DPY19L3: variants seen among roughly 807,000 people sequenced by gnomAD.
DPY19L3 encodes the protein protein C-mannosyl-transferase DPY19L3.
A neutral mutation model predicts 92.3 loss-of-function variants in DPY19L3; 51 were observed. The observed-to-expected ratio is 0.55, with a 90% CI of 0.44 to 0.70. The LOEUF is 0.70. DPY19L3 is among the 30% of genes least tolerant of loss of function. The pLI is 0.00. For missense variants in DPY19L3, 706 were observed against 855.9 expected, an observed-to-expected ratio of 0.82 and a Z score of 2.18; for synonymous variants, 309 against 315.2, an observed-to-expected ratio of 0.98 and a Z score of 0.21.
At chr19:32,466,354 G>A (rs79652729) in intron 15 of DPY19L3, among the ~76,000 whole-genome samples, 7,535 of 152,232 alleles carry the variant, frequency 0.049, 619 homozygotes, top group African/African-American at 0.17. Context: ...ACAGAAATAG[G>A]CATTTAACCA....
intron 8 of DPY19L3, among the ~76,000 whole-genome samples, chr19:32,443,217 A>G (rs986860496): frequency 6.6e-6 from 1 of 152,148 alleles, no homozygotes; most frequent in African/African-American, 2.4e-5. Flanking sequence ...TTCACCCAGC[A>G]ATAAGGAAGT....
rs1179021343 is a variant in DPY19L3 at position 32,484,606 on chromosome 19, C to T, written c.*2366C>T. The T allele has an allele frequency of 6.6e-6, 1 of 152,190 alleles. No individual in the cohort carries two copies. Among genetic ancestry groups the T allele is most frequent in the East Asian group, 1.9e-4 (1 of 5,190 alleles). The allele number at this position is 152,190 out of a possible 1,614,324, so 9.4% of individuals were successfully genotyped here. On this transcript the variant is annotated 3_prime_UTR_variant, in exon 19 of 19. Transcript: ENST00000392250. ...CTTAACGGACTCTGCCTGTGTGACT[C>T]CCAGGCCCCGGAGTCTCCATCTCTC...
intron 8 of DPY19L3, among the ~76,000 whole-genome samples, chr19:32,443,338 T>C (rs756463984): frequency 2.6e-5 from 4 of 152,236 alleles, no homozygotes; most frequent in Non-Finnish European, 4.4e-5. Flanking sequence ...TAGCATAGCG[T>C]TGGCATAGTT....
intron 3 of DPY19L3, among the ~76,000 whole-genome samples, chr19:32,431,242 G>A (rs963571066): frequency 1.1e-4 from 16 of 152,132 alleles, no homozygotes; most frequent in African/African-American, 3.6e-4. Flanking sequence ...AGCCGGGCAT[G>A]GTGCACATGC....
intron 16 of DPY19L3, among the ~76,000 whole-genome samples, chr19:32,472,759 A>T (rs1970396023): frequency 6.6e-6 from 1 of 152,122 alleles, no homozygotes. Context: ...ATATATTTGC[A>T]TATTTTGAGG....
chr19:32,429,965 G>A (rs760420486), intron 3 of DPY19L3, among the ~76,000 whole-genome samples: 21 of 152,088 alleles, frequency 1.4e-4, no homozygotes, highest in Non-Finnish European at 2.9e-4. Flanking sequence ...AAAATGAGTG[G>A]ATTAAAGTAA....
At chr19:32,432,225 T>C (rs1471985244) in intron 3 of DPY19L3, among the ~76,000 whole-genome samples, 1 of 152,208 alleles carries the variant, frequency 6.6e-6, no homozygotes, top group Non-Finnish European at 1.5e-5. Flanking sequence ...GTTTAAATAT[T>C]TCATGTATCC....
intron 4 of DPY19L3, among the ~76,000 whole-genome samples, chr19:32,436,025 C>T (rs746080244): frequency 1.3e-5 from 2 of 152,258 alleles, no homozygotes; most frequent in Non-Finnish European, 2.9e-5. Context: ...CTATGGCTTA[C>T]ATCCACTTAC....
intron 3 of DPY19L3, among the ~76,000 whole-genome samples, chr19:32,421,440 G>C (rs1358456355): frequency 6.6e-6 from 1 of 152,256 alleles, no homozygotes; most frequent in African/African-American, 2.4e-5. Flanking sequence ...AGGAGTTCAA[G>C]ACCAGCCTGG....
At position 32,482,295 on chromosome 19, in the gene DPY19L3, A is replaced by G; in HGVS notation, c.*55A>G. On this transcript the variant is annotated 3_prime_UTR_variant, in exon 19 of 19. Transcript: ENST00000392250. ...ATACGGAGAAACTGCATCATGATGA[A>G]ACTCAATAGATGACGTTTCCTATGT... The G allele has an allele frequency of 1.3e-6, 2 of 1,574,740 alleles. No homozygotes were observed. The highest frequency in any genetic ancestry group is 2.4e-5 in the South Asian group (2 of 84,654).
chr19:32,409,922 C>A (rs1005071714), intron 2 of DPY19L3, among the ~76,000 whole-genome samples: 1 of 152,046 alleles, frequency 6.6e-6, no homozygotes, highest in Admixed American at 6.6e-5. Flanking sequence ...TTGGAGGGGC[C>A]GAATAGTCAA....
chr19:32,463,840 C>G (rs762457675), intron 13 of DPY19L3, 29 bp from the exon 14 acceptor site: 3 of 1,578,550 alleles, frequency 1.9e-6, no homozygotes, highest in South Asian at 1.1e-5. Flanking sequence ...ACTAGTACTT[C>G]TGACTTGCGC....
At chr19:32,480,941 T>C (rs1016769883) in intron 18 of DPY19L3, 5 of 416,738 alleles carry the variant, frequency 1.2e-5, no homozygotes, top group Non-Finnish European at 2.1e-5. Flanking sequence ...ATGGCAGGGA[T>C]GGTGGGGCCC....
intron 6 of DPY19L3, 63 bp downstream of exon 6, chr19:32,437,402 T>C: frequency 1.3e-6 from 2 of 1,542,904 alleles, no homozygotes; most frequent in Non-Finnish European, 1.8e-6. Flanking sequence ...AGTCACTTCA[T>C]TTCCAGCTCA....
chr19:32,408,392 C>A, intron 2 of DPY19L3, 36 bp downstream of exon 2: 1 of 1,493,400 alleles, frequency 6.7e-7, no homozygotes. Context: ...ATTTGGGTTG[C>A]TTTTATTTCT....
chr19:32,415,541 G>C (rs1968350393), intron 3 of DPY19L3, among the ~76,000 whole-genome samples: 1 of 152,192 alleles, frequency 6.6e-6, no homozygotes, highest in African/African-American at 2.4e-5. Flanking sequence ...AACTCTCTCT[G>C]AATGTATTAT....
chr19:32,482,503 T>A lies in DPY19L3; in HGVS notation c.*263T>A, dbSNP rs1970705160. On this transcript the variant is annotated 3_prime_UTR_variant, in exon 19 of 19. Coordinates refer to ENST00000392250, the MANE Select transcript of DPY19L3 (RefSeq NM_001172774.2). ...TTTCTAAGAGTGACCTAGAATTATG[T>A]TGTTGGAGAGAATGATGTGTGTTCC... is the stretch of plus-strand genomic sequence containing the variant. 3 of 357,730 alleles carry A rather than the reference T, an allele frequency of 8.4e-6. No homozygotes were observed. In the Admixed American group the frequency reaches 1.3e-4, roughly 16 times the overall value. The allele number at this position is 357,730 out of a possible 1,614,324, so 22.2% of individuals were successfully genotyped here. A position where few individuals can be genotyped will look rare whatever the true frequency, so the allele number is the denominator to read the frequency against.
At position 32,444,775 on chromosome 19, in the gene DPY19L3, T is replaced by G. The variant is rs548449789; in HGVS notation, c.855+4865T>G. Among the ~76,000 whole-genome samples, 3 of 151,582 alleles carry G rather than the reference T, an allele frequency of 2.0e-5. No individual in the cohort carries two copies. In the South Asian group the frequency reaches 6.3e-4, roughly 32 times the overall value. ...AGGGGAAAACCAATTTAAATGACAGTGAATTCCTCATCAAAATCAAGGAGG... is the reference window on the plus strand; with the variant it reads ...AGGGGAAAACCAATTTAAATGACAGGGAATTCCTCATCAAAATCAAGGAGG... On this transcript the variant is annotated intron_variant, in intron 8 of 18. Transcript: ENST00000392250.
Position 32,407,270 on chromosome 19 carries a change from CCA to C in DPY19L3, c.-37-945_-37-944del, listed in dbSNP as rs1491378403. On this transcript the variant is annotated intron_variant, in intron 1 of 18. Coordinates refer to ENST00000392250, the MANE Select transcript of DPY19L3 (RefSeq NM_001172774.2). ...TGCCAAACCAGGCTCCTGCTCCCCC[CCA>C]CCCATTACTCCCACCGACGCTCCCT... Among the ~76,000 whole-genome samples the C allele has an allele frequency of 1.0e-4, 13 of 126,044 alleles. 1 individual carries two copies. Among genetic ancestry groups the C allele is most frequent in the Non-Finnish European group, 1.4e-4 (8 of 57,348 alleles). The allele number at this position is 126,044 out of a possible 152,430, so 82.7% of individuals were successfully genotyped here. A position where few individuals can be genotyped will look rare whatever the true frequency, so the allele number is the denominator to read the frequency against.
Sources: allele counts gnomAD v4.1 joint callset (sites outside exome capture counted in the v4.1 genomes callset), GRCh38; gene constraint gnomAD v4.1.1; transcripts MANE v1.5; gene names NCBI Gene and HGNC (gene_info 2026-07-23, HGNC 2026-07-21).